Variants in SERPINI1 observed in about 807,000 individuals in gnomAD.
The protein encoded by SERPINI1 is neuroserpin.
Under a neutral mutation model 41.1 loss-of-function variants are expected in SERPINI1, and 19 were observed. The ratio of observed to expected loss-of-function variants is 0.46; its 90% CI spans 0.32 to 0.68. The LOEUF (loss-of-function observed/expected upper bound fraction) is 0.68. SERPINI1 is among the 30% of genes least tolerant of loss of function. SERPINI1 has a pLI of 0.03. For missense variants in SERPINI1, 460 were observed against 479.2 expected (o/e 0.96, Z 0.37); for synonymous variants, 138 against 156.6 (o/e 0.88, Z 0.89).
rs79707106 is a variant in SERPINI1 at position 167,747,046 on chromosome 3, T to C, written c.-19+11223T>C. On this transcript the variant is annotated intron_variant, in intron 1 of 8. Coordinates refer to ENST00000446050, the MANE Select transcript of SERPINI1 (RefSeq NM_001122752.2). ...CAATGTTTGTCAGTTAATGAATGGA[T>C]AAACACAATGTTGTATAGCCATCCA... 6.9e-3 allele frequency among the ~76,000 whole-genome samples: 1,050 copies of C among 152,314 alleles called. 65 individuals carry two copies. The East Asian group carries it at 0.14, about 21-fold the overall frequency.
intron 6 of SERPINI1, among the ~76,000 whole-genome samples, chr3:167,819,762 T>TA (rs1383598126): frequency 6.6e-6 from 1 of 152,208 alleles, no homozygotes; most frequent in Non-Finnish European, 1.5e-5. Context: ...ACTTGATACT[T>TA]ACAAAGTCTA....
intron 1 of SERPINI1, among the ~76,000 whole-genome samples, chr3:167,772,864 C>CTCTATATATATATATATATATA (rs1374013676): frequency 1.2e-4 from 3 of 24,662 alleles, no homozygotes; most frequent in Non-Finnish European, 1.9e-4. Context: ...CTCTCTCTCT[C>CTCTATATATATATATATATATA]TATATATATA....
chr3:167,745,393 A>C (rs1416436458), intron 1 of SERPINI1, among the ~76,000 whole-genome samples: 5 of 152,084 alleles, frequency 3.3e-5, no homozygotes, highest in African/African-American at 1.2e-4. Flanking sequence ...ACTAGGAGTA[A>C]AAAGAAACTT....
chr3:167,782,338 C>G (rs911054083), intron 1 of SERPINI1, among the ~76,000 whole-genome samples: 13 of 152,038 alleles, frequency 8.6e-5, no homozygotes, highest in African/African-American at 3.1e-4. Context: ...GTGACAATAC[C>G]ACTTTGTCAG....
At chr3:167,806,810 A>G (rs1181673455) in intron 5 of SERPINI1, among the ~76,000 whole-genome samples, 1 of 152,084 alleles carries the variant, frequency 6.6e-6, no homozygotes, top group African/African-American at 2.4e-5. Flanking sequence ...TACTAAGAAG[A>G]GAATGAAATA....
intron 1 of SERPINI1, among the ~76,000 whole-genome samples, chr3:167,753,043 G>T (rs933664422): frequency 2.6e-5 from 4 of 152,104 alleles, no homozygotes; most frequent in Non-Finnish European, 5.9e-5. Context: ...TGTAAGCTCT[G>T]TGAAGGCAGA....
intron 1 of SERPINI1, among the ~76,000 whole-genome samples, chr3:167,767,442 C>G (rs1726604073): frequency 6.6e-6 from 1 of 152,152 alleles, no homozygotes; most frequent in Admixed American, 6.5e-5. Context: ...TGCCTACTAA[C>G]CTGGAATCCA....
chr3:167,745,021 A>G (rs1262924397), intron 1 of SERPINI1, among the ~76,000 whole-genome samples: 2 of 150,870 alleles, frequency 1.3e-5, no homozygotes, highest in Non-Finnish European at 3.0e-5. Flanking sequence ...ATCACTACCA[A>G]TCTTACATAA....
intron 1 of SERPINI1, among the ~76,000 whole-genome samples, chr3:167,759,374 C>T (rs1486960442): frequency 8.3e-6 from 1 of 121,144 alleles, no homozygotes; most frequent in African/African-American, 3.2e-5. Context: ...CCTAAGTGTC[C>T]ATCAACATTG....
intron 1 of SERPINI1, among the ~76,000 whole-genome samples, chr3:167,766,161 T>C (rs970124983): frequency 6.6e-6 from 1 of 151,618 alleles, no homozygotes; most frequent in Non-Finnish European, 1.5e-5. Flanking sequence ...CTGGTACCAA[T>C]TTACTGTATT....
At position 167,763,357 on chromosome 3, in the gene SERPINI1, T is replaced by TTGTGTGTGTGTGTGTG. The variant is rs35578479; in HGVS notation, c.-18-25748_-18-25733dup. ...CCACTGTCATATTTCAACCACAGTTTTGTGTGTGTGTGTGTGTGTGTATGT... is the reference window on the plus strand; with the variant it reads ...CCACTGTCATATTTCAACCACAGTTTTGTGTGTGTGTGTGTGTGTGTGTGTGTGTGTGTGTGTATGT... On this transcript the variant is annotated intron_variant, in intron 1 of 8. Coordinates refer to ENST00000446050, the MANE Select transcript of SERPINI1 (RefSeq NM_001122752.2). Among the ~76,000 whole-genome samples, 80 of 147,740 alleles carry TTGTGTGTGTGTGTGTG rather than the reference T, an allele frequency of 5.4e-4. 1 individual carries two copies. The highest frequency in any genetic ancestry group is 1.8e-3 in the African/African-American group (71 of 38,910).
At chr3:167,780,262 T>C (rs933469881) in intron 1 of SERPINI1, among the ~76,000 whole-genome samples, 1 of 152,140 alleles carries the variant, frequency 6.6e-6, no homozygotes, top group African/African-American at 2.4e-5. Flanking sequence ...ATTGAAAATG[T>C]AATCTTAAAG....
intron 1 of SERPINI1, among the ~76,000 whole-genome samples, chr3:167,760,348 A>AATATATATATATATATAT (rs35053492): frequency 4.7e-4 from 70 of 147,500 alleles, no homozygotes; most frequent in African/African-American, 1.7e-3. Context: ...ACTAATTTCA[A>AATATATATATATATATAT]ATATATATAT....
intron 1 of SERPINI1, chr3:167,736,143 G>T (rs1215263876): frequency 6.6e-6 from 1 of 152,154 alleles, no homozygotes; most frequent in Non-Finnish European, 1.5e-5. Flanking sequence ...TAGGTGCGTA[G>T]CCTATAAAAA....
chr3:167,817,898 C>A (rs1178657879), intron 6 of SERPINI1, among the ~76,000 whole-genome samples: 3 of 151,992 alleles, frequency 2.0e-5, no homozygotes, highest in Non-Finnish European at 4.4e-5. Context: ...CGCGCCCGGC[C>A]AAATTTTATA....
chr3:167,741,791 T>C (rs2108529065), intron 1 of SERPINI1, among the ~76,000 whole-genome samples: 1 of 152,346 alleles, frequency 6.6e-6, no homozygotes, highest in Non-Finnish European at 1.5e-5. Flanking sequence ...TTAAATCCCT[T>C]ATTCAATGTC....
At chr3:167,801,807 A>T (rs939147425) in intron 5 of SERPINI1, among the ~76,000 whole-genome samples, 3 of 152,158 alleles carry the variant, frequency 2.0e-5, no homozygotes, top group South Asian at 2.1e-4. Context: ...TTTGCTTTTT[A>T]AAAAAGTCAA....
rs779736255 is a variant in SERPINI1, at chr3:167,790,567, A to C, written c.446A>C (p.Asn149Thr). 8 of 1,613,858 alleles carry C rather than the reference A, an allele frequency of 5.0e-6. No homozygotes were observed. Among genetic ancestry groups the C allele is most frequent in the African/African-American group, 1.3e-5 (1 of 75,052 alleles). ...TTCAGTCAAAATGTAGCCGTGGCCA[A>C]CTACATCAATAAGTGGGTGGAGAAT... ...VDFSQNVAVA[N>T]YINKWVENNT... The change falls in exon 3 of 9, where the codon AAC becomes ACC. Residue 149 changes from asparagine (N) to threonine (T), a missense_variant. By Grantham distance (65) the Asn-to-Thr change is moderately conservative. Coordinates refer to ENST00000446050, the MANE Select transcript of SERPINI1 (RefSeq NM_001122752.2).
intron 1 of SERPINI1, among the ~76,000 whole-genome samples, chr3:167,772,858 C>CTATATATATA (rs1577409602): frequency 8.0e-5 from 2 of 25,092 alleles, no homozygotes; most frequent in Non-Finnish European, 1.5e-4. Context: ...CTCTCTCTCT[C>CTATATATATA]TCTCTCTATA....
Sources: gnomAD v4.1 joint callset for allele counts (sites outside exome capture counted in the v4.1 genomes callset) on GRCh38, gnomAD v4.1.1 for gene constraint, MANE v1.5 for transcripts, NCBI Gene and HGNC (gene_info 2026-07-23, HGNC 2026-07-21) for gene names.